PLEKHG1: variants seen among roughly 807,000 people sequenced by gnomAD.
PLEKHG1 encodes the protein pleckstrin homology and RhoGEF domain containing G1.
PLEKHG1 carries 44 observed loss-of-function variants against 100.8 expected under a neutral mutation model. The observed-to-expected ratio is 0.44, with a 90% CI of 0.34 to 0.56. The LOEUF (loss-of-function observed/expected upper bound fraction) is 0.56, where lower values mean the gene tolerates loss of function less well. Ranked by LOEUF, PLEKHG1 falls within the 20% of genes least tolerant of loss-of-function variation. The probability of loss-of-function intolerance (pLI) is 0.01; values close to 1 mark genes in which losing one functional copy is unlikely to be tolerated. For synonymous variants in PLEKHG1, 640 were observed against 662.5 expected, an observed-to-expected ratio of 0.97 and a Z score of 0.52; for missense variants, 1,545 against 1,720.9, an observed-to-expected ratio of 0.90 and a Z score of 1.81.
rs570809887 is a variant in PLEKHG1 at position 150,637,617 on chromosome 6, A to G, written c.-203-463A>G. 2.6e-5 allele frequency among the ~76,000 whole-genome samples: 4 copies of G among 152,214 alleles called. 1 individual carries two copies. The South Asian group carries it at 8.3e-4, about 32-fold the overall frequency. On this transcript the variant is annotated intron_variant, in intron 1 of 3. Transcript: ENST00000367326. ...TGAAGGCATTGCACCTCTGATACCTACAATCTAGTGTAGCCAATAAGTCTG... is the reference window on the plus strand; with the variant it reads ...TGAAGGCATTGCACCTCTGATACCTGCAATCTAGTGTAGCCAATAAGTCTG...
exon 10 of PLEKHG1, chr6:150,809,667 A>G (rs1787370604): frequency 6.2e-7 from 1 of 1,611,882 alleles, no homozygotes; most frequent in African/African-American, 1.3e-5. Flanking sequence ...CAGCAAGACA[A>G]ACGCCTCTGG....
chr6:150,711,761 T>A (rs1039552657), intron 3 of PLEKHG1, among the ~76,000 whole-genome samples: 3 of 152,230 alleles, frequency 2.0e-5, no homozygotes, highest in African/African-American at 7.2e-5. Flanking sequence ...TGGAACATAG[T>A]AGCTGCTCAA....
At chr6:150,668,231 G>A (rs759494906) in intron 3 of PLEKHG1, among the ~76,000 whole-genome samples, 28 of 152,168 alleles carry the variant, frequency 1.8e-4, no homozygotes, top group Non-Finnish European at 4.0e-4. Context: ...TGTAACTTCT[G>A]CTAAAAACAG....
At chr6:150,752,456 C>T (rs1047927885) in intron 2 of PLEKHG1, among the ~76,000 whole-genome samples, 2 of 152,196 alleles carry the variant, frequency 1.3e-5, no homozygotes, top group East Asian at 3.8e-4. Flanking sequence ...ATTCCCCTCT[C>T]CCCAGCTCCT....
intron 3 of PLEKHG1, among the ~76,000 whole-genome samples, chr6:150,769,807 A>C (rs1002586911): frequency 6.6e-6 from 1 of 152,068 alleles, no homozygotes; most frequent in Non-Finnish European, 1.5e-5. Context: ...GAGTATCCAC[A>C]CATACCTTAC....
intron 2 of PLEKHG1, among the ~76,000 whole-genome samples, chr6:150,755,770 C>T (rs542448868): frequency 6.6e-6 from 1 of 152,262 alleles, no homozygotes; most frequent in African/African-American, 2.4e-5. Flanking sequence ...GCCAGCCCTG[C>T]GGCTGAGGCC....
chr6:150,723,439 A>C (rs1445660336), intron 1 of PLEKHG1, among the ~76,000 whole-genome samples: 1 of 152,160 alleles, frequency 6.6e-6, no homozygotes, highest in Non-Finnish European at 1.5e-5. Flanking sequence ...CAAGCAGCTT[A>C]TGTTGAGTCC....
chr6:150,666,844 T>C (rs1464350515), intron 3 of PLEKHG1, among the ~76,000 whole-genome samples: 1 of 151,638 alleles, frequency 6.6e-6, no homozygotes, highest in Admixed American at 6.6e-5. Context: ...CACTGCAATC[T>C]CCGCCTCCCG....
Position 150,737,752 on chromosome 6 carries a change from A to G in PLEKHG1, c.411+3660A>G, listed in dbSNP as rs534400523. 2.2e-4 allele frequency among the ~76,000 whole-genome samples: 33 copies of G among 152,308 alleles called. No homozygotes were observed. In the South Asian group the frequency reaches 5.8e-3, roughly 27 times the overall value. On this transcript the variant is annotated intron_variant, in intron 2 of 15. Transcript: ENST00000358517. ...GAAAAGTGCTGCTCATTGACAGCCT[A>G]CTATGATAAAACTTTTACCCTGCCT...
intron 3 of PLEKHG1, among the ~76,000 whole-genome samples, chr6:150,708,260 A>G (rs1781104269): frequency 6.6e-6 from 1 of 152,088 alleles, no homozygotes; most frequent in Non-Finnish European, 1.5e-5. Flanking sequence ...CTTGCCACAT[A>G]CTAAATCAGA....
intron 10 of PLEKHG1, among the ~76,000 whole-genome samples, chr6:150,811,508 T>C (rs147742139): frequency 6.6e-6 from 1 of 152,034 alleles, no homozygotes; most frequent in African/African-American, 2.4e-5. Flanking sequence ...TGGGTTCAAG[T>C]GATCTGCCTG....
intron 3 of PLEKHG1, chr6:150,651,868 A>G (rs1335696407): frequency 6.6e-6 from 1 of 152,158 alleles, no homozygotes; most frequent in African/African-American, 2.4e-5. Context: ...CAAAAGAAAA[A>G]AAAAAGTCTT....
intron 2 of PLEKHG1, among the ~76,000 whole-genome samples, chr6:150,756,679 C>T (rs781316230): frequency 6.6e-6 from 1 of 152,160 alleles, no homozygotes; most frequent in Non-Finnish European, 1.5e-5. Context: ...CCAGCCTTTT[C>T]CAGTTAATAT....
At chr6:150,692,782 T>G (rs1022739576) in intron 3 of PLEKHG1, among the ~76,000 whole-genome samples, 1 of 152,196 alleles carries the variant, frequency 6.6e-6, no homozygotes, top group African/African-American at 2.4e-5. Context: ...TTCAGTCTCT[T>G]TTAACTCATG....
intron 3 of PLEKHG1, among the ~76,000 whole-genome samples, chr6:150,659,721 C>CAGTT: frequency 6.6e-6 from 1 of 152,318 alleles, no homozygotes; most frequent in East Asian, 1.9e-4. Flanking sequence ...GTTGCTGTAT[C>CAGTT]AGTTAGCCTC....
At chr6:150,686,758 G>T (rs1279319122) in intron 3 of PLEKHG1, 2 of 152,434 alleles carry the variant, frequency 1.3e-5, no homozygotes, top group Admixed American at 6.5e-5. Context: ...GGGAGGAACT[G>T]CCCGGACCTG....
intron 3 of PLEKHG1, among the ~76,000 whole-genome samples, chr6:150,667,051 C>G (rs1224075291): frequency 6.6e-6 from 1 of 152,060 alleles, no homozygotes; most frequent in Non-Finnish European, 1.5e-5. Flanking sequence ...AGCCACTGCG[C>G]CCAGCCTGAT....
chr6:150,734,378 C>T (rs1240063972), intron 2 of PLEKHG1, among the ~76,000 whole-genome samples: 1 of 152,216 alleles, frequency 6.6e-6, no homozygotes, highest in Non-Finnish European at 1.5e-5. Flanking sequence ...GTCAGAGTGA[C>T]TCACACGCAG....
chr6:150,613,199 C>G (rs977798028), intron 1 of PLEKHG1, among the ~76,000 whole-genome samples: 1 of 152,210 alleles, frequency 6.6e-6, no homozygotes, highest in African/African-American at 2.4e-5. Flanking sequence ...TCCCAGATAT[C>G]AGAGTCTTGC....
Sources: allele counts gnomAD v4.1 joint callset (sites outside exome capture counted in the v4.1 genomes callset), GRCh38; gene constraint gnomAD v4.1.1; transcripts MANE v1.5; gene names NCBI Gene and HGNC (gene_info 2026-07-23, HGNC 2026-07-21).